PLEKHB1: variants seen among roughly 807,000 people sequenced by gnomAD.
The protein encoded by PLEKHB1 is pleckstrin homology domain containing B1.
PLEKHB1 carries 29 observed loss-of-function variants against 36.2 expected under a neutral mutation model. The ratio of observed to expected loss-of-function variants is 0.80; its 90% confidence interval spans 0.60 to 1.09. PLEKHB1 has a LOEUF of 1.09. Among genes scored for constraint, PLEKHB1 ranks in the 50% least tolerant of loss-of-function variants. PLEKHB1 has a pLI of 0.00. For synonymous variants in PLEKHB1, 138 were observed against 140.0 expected (o/e 0.99, Z 0.10); for missense variants, 330 against 348.2 (o/e 0.95, Z 0.42).
chr11:73,660,136 C>G (rs1945075109), intron 6 of PLEKHB1, among the ~76,000 whole-genome samples: 2 of 152,178 alleles, frequency 1.3e-5, no homozygotes, highest in African/African-American at 4.8e-5. Context: ...CAGTAGCCTG[C>G]TGAACAGGTT....
chr11:73,656,581 C>A (rs1479937259), intron 6 of PLEKHB1, among the ~76,000 whole-genome samples: 1 of 152,192 alleles, frequency 6.6e-6, no homozygotes, highest in Non-Finnish European at 1.5e-5. Flanking sequence ...TCTCCCCTCA[C>A]CCTCAATGTT....
intron 4 of PLEKHB1, 92 bp from the exon 5 acceptor site, chr11:73,652,883 G>C: frequency 9.0e-7 from 1 of 1,116,966 alleles, no homozygotes; most frequent in Non-Finnish European, 1.3e-6. Context: ...TTGGGCTTGA[G>C]GCTGGGTTGG....
chr11:73,652,885 C>G, intron 4 of PLEKHB1, 90 bp from the exon 5 acceptor site: 1 of 1,134,438 alleles, frequency 8.8e-7, no homozygotes, highest in Non-Finnish European at 1.3e-6. Flanking sequence ...GGGCTTGAGG[C>G]TGGGTTGGAG....
At chr11:73,646,898 C>T (rs1362859393) in intron 1 of PLEKHB1, among the ~76,000 whole-genome samples, 4 of 152,164 alleles carry the variant, frequency 2.6e-5, no homozygotes, top group African/African-American at 9.7e-5. Context: ...TTTCCGACCC[C>T]CTAATCACAC....
chr11:73,659,688 G>A (rs1945064744), intron 6 of PLEKHB1, among the ~76,000 whole-genome samples: 1 of 152,192 alleles, frequency 6.6e-6, no homozygotes, highest in Non-Finnish European at 1.5e-5. Flanking sequence ...CTGGAGTGGA[G>A]TGGGTGACCG....
chr11:73,647,638 G>A (rs973874922), intron 1 of PLEKHB1: 2 of 985,272 alleles, frequency 2.0e-6, no homozygotes, highest in Admixed American at 1.2e-4. Context: ...AAATGCCCCA[G>A]GCTCTCCGGG....
intron 6 of PLEKHB1, 141 bp downstream of exon 6, chr11:73,656,048 G>T: frequency 1.4e-6 from 1 of 712,364 alleles, no homozygotes; most frequent in Admixed American, 2.1e-5. Context: ...CTGCTCTGCT[G>T]TACCCTCTGT....
At position 73,650,641 on chromosome 11, in the gene PLEKHB1, C is replaced by T. The variant is rs1240315813; in HGVS notation, c.183C>T (p.Asp61=). ...LGYYHDETAQ[D]EEDRVLIHFN... is the part of the protein sequence containing the mutation. ...ACTACCACGATGAGACAGCGCAGGA[C>T]GAGGAGGACCGTGTGCTCATCCACT... Residue 61 remains aspartate, a synonymous_variant, in exon 3 of 8, where the codon GAC becomes GAT. Coordinates refer to ENST00000354190, the MANE Select transcript of PLEKHB1 (RefSeq NM_021200.3). 3.7e-6 allele frequency: 6 copies of T among 1,612,348 alleles called. No individual in the cohort carries two copies. The highest frequency in any genetic ancestry group is 3.3e-5 in the Admixed American group (2 of 59,804).
Position 73,660,777 on chromosome 11 carries a change from GACT to G in PLEKHB1, c.526_528del (p.Tyr176del). Reference sequence around the variant, plus strand: ...GGTGCGCGTCTACAGCCCGTACCAAGACTACTACGAGGTGGTGCCCCCCAATGC... The same window carrying G: ...GGTGCGCGTCTACAGCCCGTACCAAGACTACGAGGTGGTGCCCCCCAATGC... On this transcript the variant is annotated inframe_deletion, in exon 7 of 8. Coordinates refer to ENST00000354190, the MANE Select transcript of PLEKHB1 (RefSeq NM_021200.3). The G allele has an allele frequency of 6.2e-7, 1 of 1,600,224 alleles. No homozygotes were observed. Among genetic ancestry groups the G allele is most frequent in the South Asian group, 1.1e-5 (1 of 87,946 alleles).
chr11:73,657,142 C>CAA (rs999126938), intron 6 of PLEKHB1, among the ~76,000 whole-genome samples: 3 of 147,114 alleles, frequency 2.0e-5, no homozygotes, highest in Non-Finnish European at 4.5e-5. Flanking sequence ...GACTCCATCT[C>CAA]AAAAAAAAAA....
At position 73,661,437 on chromosome 11, in the gene PLEKHB1, T is replaced by G. The variant is rs1318746627; in HGVS notation, c.596-29T>G. 53 of 1,612,952 alleles carry G rather than the reference T, an allele frequency of 3.3e-5. No homozygotes were observed. The highest frequency in any genetic ancestry group is 4.3e-5 in the Non-Finnish European group (51 of 1,179,154). On this transcript the variant is annotated intron_variant, in intron 7 of 7. Transcript: ENST00000354190. This position sits in a 1 kb window ranked among gnomAD's most constrained non-coding sequence, Gnocchi z 4.6. ...ATCACTCTACTCCCTCCTAAGTCGC[T>G]GATCCTCATGGGCTGTCTCCCTCTG...
chr11:73,655,756 C>A, intron 5 of PLEKHB1, 47 bp from the exon 6 acceptor site: 2 of 1,549,358 alleles, frequency 1.3e-6, no homozygotes, highest in Non-Finnish European at 1.8e-6. Context: ...GGGCCTCTGA[C>A]ACCCCCTCCC....
intron 1 of PLEKHB1, chr11:73,648,118 A>G (rs946752797): frequency 3.2e-6 from 1 of 310,488 alleles, no homozygotes; most frequent in Admixed American, 6.5e-5. Context: ...GTGACGTCCA[A>G]ACTTAGCTGT....
chr11:73,658,315 C>T lies in PLEKHB1; in HGVS notation c.495+2408C>T, dbSNP rs563713395. On this transcript the variant is annotated intron_variant, in intron 6 of 7. Transcript: ENST00000354190. ...GGTGTGCTTGGAGACCTTCCCCTTACCACCAAACTTCTTGAAAGAGATGTC... is the reference window on the plus strand; with the variant it reads ...GGTGTGCTTGGAGACCTTCCCCTTATCACCAAACTTCTTGAAAGAGATGTC... Among the ~76,000 whole-genome samples the T allele has an allele frequency of 3.7e-4, 56 of 152,326 alleles. No homozygotes were observed. In the South Asian group the frequency reaches 0.011, roughly 30 times the overall value.
chr11:73,657,807 C>T (rs1945023734), intron 6 of PLEKHB1, among the ~76,000 whole-genome samples: 1 of 152,188 alleles, frequency 6.6e-6, no homozygotes, highest in Non-Finnish European at 1.5e-5. Context: ...CTTGGCACTG[C>T]CTACCAGAAA....
Position 73,655,806 on chromosome 11 carries a change from C to T in PLEKHB1, c.394C>T (p.Pro132Ser), listed in dbSNP as rs1012790377. 1.6e-5 allele frequency: 26 copies of T among 1,613,294 alleles called. No homozygotes were observed. The highest frequency in any genetic ancestry group is 4.5e-5 in the East Asian group (2 of 44,880). The change falls in exon 6 of 8, where the codon CCA (proline) becomes TCA (serine). Residue 132 changes from proline (P) to serine (S), a missense_variant. Transcript: ENST00000354190. ...TGGGTTTCTGTGGCTTGAGCAGGCCCCAGCTGGAGCCACCGTCCCTCCCAG... is the reference window on the plus strand; with the variant it reads ...TGGGTTTCTGTGGCTTGAGCAGGCCTCAGCTGGAGCCACCGTCCCTCCCAG... ...ALLEANSTPA[P>S]AGATVPPRSR...
At chr11:73,660,655 C>A in intron 6 of PLEKHB1, 98 bp from the exon 7 acceptor site, 1 of 1,167,938 alleles carries the variant, frequency 8.6e-7, no homozygotes, top group Non-Finnish European at 1.2e-6. Context: ...GGGGAGGTGG[C>A]TCCATGGATC....
chr11:73,649,086 G>C lies in PLEKHB1; in HGVS notation c.93G>C (p.Gln31His). ...ALVRGGWLWRQSSILRRWKRN... is the reference protein window; with the variant it reads ...ALVRGGWLWRHSSILRRWKRN... The stretch of plus-strand genomic sequence containing the variant: ...TGAGGGGCGGCTGGCTGTGGAGACA[G>C]AGTGAGTGATCCTGGGCCCCTGGTC... Residue 31 changes from glutamine to histidine, a missense_variant and splice_region_variant, in exon 2 of 8, where the codon CAG (glutamine) becomes CAC (histidine). Physicochemically the swap from Gln to His is conservative, Grantham distance 24. Coordinates refer to ENST00000354190, the MANE Select transcript of PLEKHB1 (RefSeq NM_021200.3). 6.3e-7 allele frequency: 1 copy of C among 1,594,878 alleles called. No individual in the cohort carries two copies. Among genetic ancestry groups the C allele is most frequent in the Non-Finnish European group, 8.5e-7 (1 of 1,170,618 alleles).
In PLEKHB1 at chr11:73,651,876, C is replaced by A; in HGVS notation, c.336C>A (p.Thr112=). 1.2e-6 allele frequency: 2 copies of A among 1,613,406 alleles called. No individual in the cohort carries two copies. The highest frequency in any genetic ancestry group is 1.1e-5 in the South Asian group (1 of 91,066). Residue 112 remains threonine, a synonymous_variant, in exon 4 of 8, where the codon ACC becomes ACA. Transcript: ENST00000354190. Reference sequence around the variant, plus strand: ...GCCGCCTGCACCTCTGTGCGGAGACCAAGGATGATGCCCTGTGAGTCACTC... The same window carrying A: ...GCCGCCTGCACCTCTGTGCGGAGACAAAGGATGATGCCCTGTGAGTCACTC... ...EGGRLHLCAE[T]KDDALAWKTA...
Sources: allele counts gnomAD v4.1 joint callset (sites outside exome capture counted in the v4.1 genomes callset), GRCh38; gene constraint gnomAD v4.1.1; non-coding constraint Gnocchi (gnomAD v3.1); transcripts MANE v1.5; gene names NCBI Gene and HGNC (gene_info 2026-07-23, HGNC 2026-07-21).